Variants in TNRC18 observed in about 807,000 individuals in gnomAD.
TNRC18 encodes the protein trinucleotide repeat-containing gene 18 protein.
A neutral mutation model predicts 226.7 loss-of-function variants in TNRC18; 69 were observed. The observed-to-expected ratio is 0.30, with a 90% CI of 0.25 to 0.37. The LOEUF is 0.37. TNRC18 is among the 10% of genes least tolerant of loss of function. TNRC18 has a pLI of 1.00. For missense variants in TNRC18, 4,754 were observed against 4,256.6 expected (o/e 1.12, Z -3.25); for synonymous variants, 2,449 against 1,927.6 (o/e 1.27, Z -7.09).
At chr7:5,364,220 C>T (rs865823394) in intron 11 of TNRC18, among the ~76,000 whole-genome samples, 3 of 152,026 alleles carry the variant, frequency 2.0e-5, no homozygotes, top group Admixed American at 6.6e-5. Flanking sequence ...ACTGCTTAAA[C>T]TCAGGAGGCA....
intron 3 of TNRC18, among the ~76,000 whole-genome samples, chr7:5,392,245 C>T (rs1028138319): frequency 2.0e-5 from 3 of 151,934 alleles, no homozygotes; most frequent in Non-Finnish European, 2.9e-5. Flanking sequence ...GGGTGGATCA[C>T]GAGGTCAGGA....
chr7:5,365,899 A>C (rs964415337), intron 11 of TNRC18, among the ~76,000 whole-genome samples: 1 of 152,056 alleles, frequency 6.6e-6, no homozygotes, highest in Non-Finnish European at 1.5e-5. Context: ...GAGAAACCCT[A>C]TCTCTACTAA....
intron 18 of TNRC18, among the ~76,000 whole-genome samples, chr7:5,336,355 G>C (rs1011107015): frequency 1.3e-5 from 2 of 152,142 alleles, no homozygotes; most frequent in African/African-American, 4.8e-5. Flanking sequence ...CCTCAAAGAG[G>C]TGAAATAAAA....
chr7:5,320,615 A>G lies in TNRC18; in HGVS notation c.6561-8T>C, dbSNP rs773957907. ...TCCACCACCACGCGGTATCTGTAGG[A>G]GCAAACGAGGCGTGAGGTGGCAGAG... On this transcript the variant is annotated splice_polypyrimidine_tract_variant and splice_region_variant and intron_variant, in intron 22 of 29. Coordinates refer to ENST00000430969, the MANE Select transcript of TNRC18 (RefSeq NM_001080495.3). 2.5e-5 allele frequency: 40 copies of G among 1,610,592 alleles called. No homozygotes were observed. Among genetic ancestry groups the G allele is most frequent in the Non-Finnish European group, 3.1e-5 (37 of 1,179,428 alleles).
chr7:5,399,983 G>A (rs772405399), intron 2 of TNRC18, among the ~76,000 whole-genome samples: 9 of 152,032 alleles, frequency 5.9e-5, no homozygotes, highest in East Asian at 5.8e-4. Flanking sequence ...TCAACCTCCC[G>A]GGCTCAAGCA....
At position 5,370,665 on chromosome 7, in the gene TNRC18, G is replaced by A. The variant is rs752486473; in HGVS notation, c.3929C>T (p.Pro1310Leu). Residue 1310 changes from proline (P) to leucine (L), a missense_variant, in exon 11 of 30, where the codon CCC (proline) becomes CTC (leucine). Pro to Leu is a moderately conservative substitution (Grantham distance 98). Transcript: ENST00000430969. Reference sequence around the variant, plus strand: ...GCCGAGTACAGGCACGGCCTCTTGGGGCTCCAGGCTCGGGCACTGTCCCTC... The same window carrying A: ...GCCGAGTACAGGCACGGCCTCTTGGAGCTCCAGGCTCGGGCACTGTCCCTC... ...AGEGQCPSLE[P>L]QEAVPVLGST... is the part of the protein sequence containing the mutation. 1.4e-5 allele frequency: 23 copies of A among 1,612,558 alleles called. No homozygotes were observed. In the South Asian group the frequency reaches 2.2e-4, roughly 15 times the overall value.
chr7:5,351,646 G>A (rs1791826459), intron 17 of TNRC18, among the ~76,000 whole-genome samples, 173 bp downstream of exon 17: 1 of 152,252 alleles, frequency 6.6e-6, no homozygotes, highest in Non-Finnish European at 1.5e-5. Flanking sequence ...TCATTCGGCT[G>A]ATAACAGCAG....
At chr7:5,331,244 G>C (rs1465047236) in intron 19 of TNRC18, among the ~76,000 whole-genome samples, 1 of 152,098 alleles carries the variant, frequency 6.6e-6, no homozygotes, top group African/African-American at 2.4e-5. Context: ...ACAGAATACC[G>C]TCAAAACCTA....
rs1422604041 is a variant in TNRC18, at chr7:5,332,910, G to A, written c.5859C>T (p.Pro1953=). ...LAAPTPGARG[P]DPSSPDKAKL... Reference sequence around the variant, plus strand: ...TGGCCTTGTCTGGGCTGCTGGGGTCGGGACCGCGGGCGCCAGGCGTGGGTG... The same window carrying A: ...TGGCCTTGTCTGGGCTGCTGGGGTCAGGACCGCGGGCGCCAGGCGTGGGTG... Residue 1953 remains proline, a synonymous_variant, in exon 19 of 30, where the codon CCC becomes CCT. Coordinates refer to ENST00000430969, the MANE Select transcript of TNRC18 (RefSeq NM_001080495.3). The A allele has an allele frequency of 4.6e-6, 7 of 1,537,802 alleles. No individual in the cohort carries two copies. Among genetic ancestry groups the A allele is most frequent in the East Asian group, 2.4e-5 (1 of 41,336 alleles).
At chr7:5,367,897 G>C (rs1392010244) in intron 11 of TNRC18, among the ~76,000 whole-genome samples, 1 of 152,136 alleles carries the variant, frequency 6.6e-6, no homozygotes, top group South Asian at 2.1e-4. Context: ...GCTTCCTTGA[G>C]GGCCATCTGA....
At position 5,325,980 on chromosome 7, in the gene TNRC18, C is replaced by T. The variant is rs187913915; in HGVS notation, c.6148-732G>A. ...AACTCCTGGTCTCAAGCAATCCTCC[C>T]GCCTTGGCCTTCCAAAGTGCTGGGA... On this transcript the variant is annotated intron_variant, in intron 19 of 29. Coordinates refer to ENST00000430969, the MANE Select transcript of TNRC18 (RefSeq NM_001080495.3). 7.4e-3 allele frequency among the ~76,000 whole-genome samples: 1,125 copies of T among 151,834 alleles called. 6 individuals carry two copies. Among genetic ancestry groups the T allele is most frequent in the Non-Finnish European group, 0.011 (776 of 67,910 alleles).
chr7:5,314,387 C>G (rs35334364), intron 26 of TNRC18, among the ~76,000 whole-genome samples: 1 of 151,864 alleles, frequency 6.6e-6, no homozygotes, highest in Non-Finnish European at 1.5e-5. Flanking sequence ...GGCCCCAAAG[C>G]GGGTCCTCCT....
chr7:5,390,675 C>T (rs746897344), intron 3 of TNRC18, 47 bp from the exon 4 acceptor site: 2 of 1,458,604 alleles, frequency 1.4e-6, no homozygotes, highest in African/African-American at 1.4e-5. Context: ...TCGTGCTGCT[C>T]ACCAGGAGCT....
intron 16 of TNRC18, among the ~76,000 whole-genome samples, chr7:5,354,848 T>A (rs908053722): frequency 1.5e-4 from 23 of 152,172 alleles, no homozygotes; most frequent in African/African-American, 5.6e-4. Context: ...GTAAAGCAGG[T>A]GACGATATCT....
chr7:5,409,773 G>T (rs1432789855), intron 2 of TNRC18, among the ~76,000 whole-genome samples: 1 of 144,764 alleles, frequency 6.9e-6, no homozygotes. Context: ...TCAGGAGATC[G>T]AGACCATCGT....
At chr7:5,398,231 C>T (rs1437332288) in intron 2 of TNRC18, among the ~76,000 whole-genome samples, 2 of 151,800 alleles carry the variant, frequency 1.3e-5, no homozygotes, top group South Asian at 2.1e-4. Flanking sequence ...AGTGCAATGG[C>T]GCGATCTCGG....
rs775989406 is a variant in TNRC18, at chr7:5,388,568, G to A, written c.1256C>T (p.Pro419Leu). Residue 419 changes from proline to leucine, a missense_variant, in exon 5 of 30, where the codon CCT (proline) becomes CTT (leucine). Transcript: ENST00000430969. ...VLQAPPGSPR[P>L]LDRPEGLREK... is the part of the protein sequence containing the mutation. Reference sequence around the variant, plus strand: ...GCGCAGGCCCTCGGGCCGGTCCAGAGGCCGCGGGGAGCCGGGGGGCGCCTG... The same window carrying A: ...GCGCAGGCCCTCGGGCCGGTCCAGAAGCCGCGGGGAGCCGGGGGGCGCCTG... The A allele has an allele frequency of 1.6e-5, 21 of 1,304,340 alleles. No homozygotes were observed. In the South Asian group the frequency reaches 3.5e-4, roughly 22 times the overall value. 80.8% of individuals were successfully genotyped at this position (1,304,340 alleles called of 1,614,324 possible).
At chr7:5,344,620 G>A (rs751868699) in intron 18 of TNRC18, among the ~76,000 whole-genome samples, 62 of 152,160 alleles carry the variant, frequency 4.1e-4, no homozygotes, top group Non-Finnish European at 7.6e-4. Flanking sequence ...AGCAATACCT[G>A]TTTTCCTGTC....
chr7:5,362,512 A>G, intron 12 of TNRC18, 138 bp downstream of exon 12: 1 of 790,116 alleles, frequency 1.3e-6, no homozygotes, highest in South Asian at 2.0e-5. Flanking sequence ...ACAGCACATC[A>G]GCACAAGGAG....
Sources: gnomAD v4.1 joint callset for allele counts (sites outside exome capture counted in the v4.1 genomes callset) on GRCh38, gnomAD v4.1.1 for gene constraint, MANE v1.5 for transcripts, NCBI Gene and HGNC (gene_info 2026-07-23, HGNC 2026-07-21) for gene names.